The following HS3ST5 variants were observed in gnomAD, a reference collection of about 807,000 sequenced individuals.
The protein encoded by HS3ST5 is heparan sulfate-glucosamine 3-sulfotransferase 5.
Under a neutral mutation model 25.4 loss-of-function variants are expected in HS3ST5, and 10 were observed. The ratio of observed to expected loss-of-function variants is 0.39; its 90% confidence interval spans 0.24 to 0.67. HS3ST5 has a LOEUF of 0.67. Among genes scored for constraint, HS3ST5 ranks in the 30% least tolerant of loss-of-function variants. HS3ST5 has a pLI of 0.44. For synonymous variants in HS3ST5, 170 were observed against 162.4 expected (o/e 1.05, Z -0.36); for missense variants, 324 against 420.7 (o/e 0.77, Z 2.01).
chr6:114,272,177 T>C (rs1407628241), intron 1 of HS3ST5, among the ~76,000 whole-genome samples: 1 of 152,160 alleles, frequency 6.6e-6, no homozygotes, highest in Non-Finnish European at 1.5e-5. Context: ...GTTAGCCACA[T>C]TTTCCTATGT....
intron 2 of HS3ST5, among the ~76,000 whole-genome samples, chr6:114,226,521 A>C (rs950832771): frequency 3.3e-5 from 5 of 151,960 alleles, no homozygotes; most frequent in African/African-American, 1.2e-4. Flanking sequence ...ATTGTTGTTT[A>C]CTACTCATTG....
At chr6:114,310,606 C>T (rs1449914513) in intron 1 of HS3ST5, among the ~76,000 whole-genome samples, 1 of 151,458 alleles carries the variant, frequency 6.6e-6, no homozygotes, top group African/African-American at 2.4e-5. Flanking sequence ...GACCTGTGCA[C>T]AATGGATGTT....
intron 2 of HS3ST5, among the ~76,000 whole-genome samples, chr6:114,180,001 C>A (rs146573379): frequency 3.9e-5 from 6 of 152,222 alleles, no homozygotes; most frequent in African/African-American, 1.4e-4. Context: ...TCATCTTCTT[C>A]CACCTTCTTC....
At chr6:114,167,139 C>CG (rs1268824096) in intron 3 of HS3ST5, among the ~76,000 whole-genome samples, 1 of 152,190 alleles carries the variant, frequency 6.6e-6, no homozygotes, top group Non-Finnish European at 1.5e-5. Context: ...GCACATGCCA[C>CG]TGTGTGTGGC....
chr6:114,154,538 T>A (rs887972880), intron 3 of HS3ST5, among the ~76,000 whole-genome samples: 1 of 152,152 alleles, frequency 6.6e-6, no homozygotes, highest in African/African-American at 2.4e-5. Flanking sequence ...ATTAGATGTA[T>A]CAAAACAATA....
At chr6:114,113,195 T>C (rs1582614835) in intron 3 of HS3ST5, among the ~76,000 whole-genome samples, 1 of 152,224 alleles carries the variant, frequency 6.6e-6, no homozygotes, top group African/African-American at 2.4e-5. Context: ...ATCTCTCACC[T>C]GGATGGATGC....
chr6:114,146,100 A>T (rs923609838), intron 3 of HS3ST5, among the ~76,000 whole-genome samples: 4 of 152,132 alleles, frequency 2.6e-5, no homozygotes, highest in Non-Finnish European at 4.4e-5. Context: ...TACTAAAATT[A>T]AAAAAAATTA....
chr6:114,107,604 G>T (rs1242795645), intron 3 of HS3ST5, among the ~76,000 whole-genome samples: 1 of 152,162 alleles, frequency 6.6e-6, no homozygotes, highest in Non-Finnish European at 1.5e-5. Flanking sequence ...CAGATGACAT[G>T]ATTACATAGA....
chr6:114,240,979 A>G (rs984468627), intron 1 of HS3ST5, among the ~76,000 whole-genome samples: 3 of 152,164 alleles, frequency 2.0e-5, no homozygotes, highest in African/African-American at 7.2e-5. Flanking sequence ...TTTGATATCA[A>G]TGGGTTACAC....
chr6:114,255,977 A>T (rs939728718), intron 1 of HS3ST5, among the ~76,000 whole-genome samples: 4 of 152,150 alleles, frequency 2.6e-5, no homozygotes, highest in Non-Finnish European at 5.9e-5. Context: ...GCTGGCTTAA[A>T]TTTCTCCTCA....
At chr6:114,257,939 T>C (rs1773006123) in intron 1 of HS3ST5, among the ~76,000 whole-genome samples, 1 of 152,082 alleles carries the variant, frequency 6.6e-6, no homozygotes, top group Non-Finnish European at 1.5e-5. Context: ...TGATTGATTG[T>C]AAAGGTGAGG....
At chr6:114,155,042 C>A (rs1778634347) in intron 3 of HS3ST5, among the ~76,000 whole-genome samples, 1 of 152,148 alleles carries the variant, frequency 6.6e-6, no homozygotes, top group African/African-American at 2.4e-5. Context: ...CTGTGCACTG[C>A]CATTGACCCA....
intron 3 of HS3ST5, among the ~76,000 whole-genome samples, chr6:114,139,105 G>C (rs1777776612): frequency 6.6e-6 from 1 of 152,168 alleles, no homozygotes. Context: ...GCACCATTCA[G>C]TCCCACAGGA....
At chr6:114,313,985 G>A (rs1775646144) in intron 1 of HS3ST5, among the ~76,000 whole-genome samples, 1 of 152,284 alleles carries the variant, frequency 6.6e-6, no homozygotes, top group East Asian at 1.9e-4. Context: ...GAGGGCAGTT[G>A]TGCAATGTCA....
intron 1 of HS3ST5, among the ~76,000 whole-genome samples, chr6:114,294,603 G>A (rs1440817863): frequency 6.6e-6 from 1 of 152,000 alleles, no homozygotes; most frequent in African/African-American, 2.4e-5. Context: ...CCGCCACTGC[G>A]CCCAGCTAAT....
chr6:114,226,660 A>T (rs983772242), intron 2 of HS3ST5, among the ~76,000 whole-genome samples: 7 of 152,010 alleles, frequency 4.6e-5, no homozygotes, highest in African/African-American at 1.7e-4. Flanking sequence ...TTATGTTTCT[A>T]TGATTCTATA....
chr6:114,188,315 T>A (rs1359564558), intron 2 of HS3ST5, among the ~76,000 whole-genome samples: 4 of 152,202 alleles, frequency 2.6e-5, no homozygotes, highest in African/African-American at 9.6e-5. Context: ...ATCATACAAT[T>A]TTGAACAAAA....
intron 1 of HS3ST5, among the ~76,000 whole-genome samples, chr6:114,266,209 C>T (rs979875056): frequency 1.3e-5 from 2 of 152,058 alleles, no homozygotes; most frequent in African/African-American, 4.8e-5. Context: ...ATTTAGATTG[C>T]CTGTAGACCT....
At chr6:114,118,335 T>G (rs1238439450) in intron 3 of HS3ST5, among the ~76,000 whole-genome samples, 1 of 152,158 alleles carries the variant, frequency 6.6e-6, no homozygotes, top group Non-Finnish European at 1.5e-5. Context: ...CTATATATAG[T>G]CAGGCAGGTA....
Sources: gnomAD v4.1 joint callset for allele counts (sites outside exome capture counted in the v4.1 genomes callset) on GRCh38, gnomAD v4.1.1 for gene constraint, MANE v1.5 for transcripts, NCBI Gene and HGNC (gene_info 2026-07-23, HGNC 2026-07-21) for gene names.